Variants in GPAT4 observed in about 807,000 individuals in gnomAD.
GPAT4 encodes glycerol-3-phosphate acyltransferase 4.
GPAT4 carries 17 observed loss-of-function variants against 58.0 expected under a neutral mutation model. The ratio of observed to expected loss-of-function variants is 0.29; its 90% CI spans 0.20 to 0.44. GPAT4 has a LOEUF of 0.44. GPAT4 is among the 20% of genes least tolerant of loss of function. The pLI, the probability that GPAT4 is intolerant of heterozygous loss-of-function variation, is 1.00. For missense variants in GPAT4, 377 were observed against 574.5 expected, an observed-to-expected ratio of 0.66 and a Z score of 3.51; for synonymous variants, 204 against 210.1, an observed-to-expected ratio of 0.97 and a Z score of 0.25.
At chr8:41,610,016 C>T (rs1230448994) in intron 4 of GPAT4, 61 bp downstream of exon 4, 1 of 1,538,130 alleles carries the variant, frequency 6.5e-7, no homozygotes, top group African/African-American at 1.4e-5. Flanking sequence ...GCACAGCCCA[C>T]CTGCCTGCTC....
intron 1 of GPAT4, chr8:41,584,896 C>A (rs755730843): frequency 6.6e-6 from 1 of 152,158 alleles, no homozygotes; most frequent in Non-Finnish European, 1.5e-5. Flanking sequence ...GGCCCCGAAC[C>A]TGACCATGTT....
chr8:41,583,903 G>C (rs376371898), intron 1 of GPAT4, among the ~76,000 whole-genome samples: 4 of 152,124 alleles, frequency 2.6e-5, no homozygotes, highest in African/African-American at 7.2e-5. Flanking sequence ...TGATGAAAAG[G>C]TTTCATTTTT....
At chr8:41,581,713 C>T (rs530788570) in intron 1 of GPAT4, among the ~76,000 whole-genome samples, 10 of 149,286 alleles carry the variant, frequency 6.7e-5, no homozygotes, top group South Asian at 2.1e-4. Flanking sequence ...ACTGCAAGCT[C>T]CGCCTCCCGG....
chr8:41,601,148 G>A (rs1454217125), intron 2 of GPAT4, among the ~76,000 whole-genome samples: 1 of 151,804 alleles, frequency 6.6e-6, no homozygotes, highest in Non-Finnish European at 1.5e-5. Flanking sequence ...CTTAAGGATG[G>A]ACTTGGGGTT....
In GPAT4 at chr8:41,621,980, A is replaced by G. The variant is rs1003330690; in HGVS notation, c.*979A>G. On this transcript the variant is annotated 3_prime_UTR_variant, in exon 13 of 13. Transcript: ENST00000396987. ...CCTGAGTAGCAGGCTTCTCGTGAGG[A>G]TTCCCGTTCTCTTCTGGGAGCATGG... is the stretch of plus-strand genomic sequence containing the variant. The G allele has an allele frequency of 1.3e-5, 2 of 152,168 alleles. No individual in the cohort carries two copies. The highest frequency in any genetic ancestry group is 6.5e-5 in the Admixed American group (1 of 15,270). 9.4% of individuals were successfully genotyped at this position (152,168 alleles called of 1,614,324 possible).
At chr8:41,587,242 C>T (rs558663102) in intron 1 of GPAT4, among the ~76,000 whole-genome samples, 1 of 152,346 alleles carries the variant, frequency 6.6e-6, no homozygotes, top group South Asian at 2.1e-4. Flanking sequence ...GCCTCCCTGT[C>T]AGGCCATGTG....
At chr8:41,607,762 C>T (rs977720643) in intron 2 of GPAT4, among the ~76,000 whole-genome samples, 6 of 152,132 alleles carry the variant, frequency 3.9e-5, no homozygotes, top group Non-Finnish European at 5.9e-5. Context: ...CTCCTGGGCT[C>T]AAACGATCTT....
intron 4 of GPAT4, 197 bp from the exon 5 acceptor site, chr8:41,610,539 C>A: frequency 6.8e-7 from 1 of 1,468,678 alleles, no homozygotes; most frequent in South Asian, 1.3e-5. Context: ...AGACCCATGG[C>A]TCACTGTCAG....
At position 41,620,929 on chromosome 8, in the gene GPAT4, G is replaced by A. The variant is rs200700158; in HGVS notation, c.1299G>A (p.Thr433=). The change falls in exon 13 of 13, where the codon ACG becomes ACA. Residue 433 remains threonine, a synonymous_variant. Coordinates refer to ENST00000396987, the MANE Select transcript of GPAT4 (RefSeq NM_178819.4). ...GGLKREKVKD[T]FKEEQQKLYS... The stretch of plus-strand genomic sequence containing the variant: ...TGAAGAGGGAGAAGGTGAAGGACAC[G>A]TTCAAGGAGGAGCAGCAGAAGCTGT... The A allele has an allele frequency of 2.1e-5, 32 of 1,551,716 alleles. No individual in the cohort carries two copies. Among genetic ancestry groups the A allele is most frequent in the South Asian group, 8.3e-5 (7 of 84,060 alleles).
chr8:41,615,458 G>T (rs1405043244), intron 10 of GPAT4, among the ~76,000 whole-genome samples: 1 of 151,522 alleles, frequency 6.6e-6, no homozygotes, highest in Non-Finnish European at 1.5e-5. Flanking sequence ...GATTGGGGGG[G>T]GGGTCATTAC....
chr8:41,615,775 T>C (rs1326528445), intron 10 of GPAT4, among the ~76,000 whole-genome samples: 1 of 152,170 alleles, frequency 6.6e-6, no homozygotes, highest in East Asian at 1.9e-4. Context: ...CTCGATAAAA[T>C]GGTGAGCAGA....
chr8:41,604,673 T>G (rs2150496977), intron 2 of GPAT4, among the ~76,000 whole-genome samples: 1 of 152,246 alleles, frequency 6.6e-6, no homozygotes, highest in Non-Finnish European at 1.5e-5. Context: ...GTTGATCAGG[T>G]CACGTTAGAG....
intron 2 of GPAT4, among the ~76,000 whole-genome samples, chr8:41,605,994 A>G (rs1477657159): frequency 6.6e-6 from 1 of 152,258 alleles, no homozygotes; most frequent in African/African-American, 2.4e-5. Flanking sequence ...GGCATGAACC[A>G]CGAGGCAGCT....
intron 2 of GPAT4, among the ~76,000 whole-genome samples, chr8:41,604,998 G>T (rs1803218663): frequency 6.6e-6 from 1 of 152,196 alleles, no homozygotes; most frequent in South Asian, 2.1e-4. Flanking sequence ...ACATAGCCTT[G>T]AGTAGGTTAA....
intron 1 of GPAT4, among the ~76,000 whole-genome samples, chr8:41,585,588 C>T (rs1055782508): frequency 2.6e-5 from 4 of 152,158 alleles, no homozygotes; most frequent in African/African-American, 9.7e-5. Context: ...ACACTGATAG[C>T]TTGATAGGCA....
intron 10 of GPAT4, among the ~76,000 whole-genome samples, chr8:41,617,044 T>A (rs1199764678): frequency 6.6e-6 from 1 of 152,230 alleles, no homozygotes; most frequent in Non-Finnish European, 1.5e-5. Context: ...CATCAGAATT[T>A]CTGTCCATAT....
At position 41,621,213 on chromosome 8, in the gene GPAT4, G is replaced by A. The variant is rs1010538177; in HGVS notation, c.*212G>A. The A allele has an allele frequency of 1.6e-6, 1 of 638,534 alleles. No individual in the cohort carries two copies. The allele number at this position is 638,534 out of a possible 1,614,324, so 39.6% of individuals were successfully genotyped here. On this transcript the variant is annotated 3_prime_UTR_variant, in exon 13 of 13. Transcript: ENST00000396987. ...TGGTGGTCTAAACGGATGCTGCTGGGTGTTGCGACCCAGGACGAGATGCCT... is the reference window on the plus strand; with the variant it reads ...TGGTGGTCTAAACGGATGCTGCTGGATGTTGCGACCCAGGACGAGATGCCT...
At chr8:41,591,797 A>AT (rs1802796559) in intron 1 of GPAT4, among the ~76,000 whole-genome samples, 1 of 152,244 alleles carries the variant, frequency 6.6e-6, no homozygotes, top group South Asian at 2.1e-4. Flanking sequence ...GCCCTTGATC[A>AT]TCTATGTGTA....
chr8:41,589,152 C>G (rs1412753060), intron 1 of GPAT4, among the ~76,000 whole-genome samples: 1 of 152,198 alleles, frequency 6.6e-6, no homozygotes, highest in Non-Finnish European at 1.5e-5. Flanking sequence ...TTAAGGGGAC[C>G]TTAAGCCACC....
Sources: allele counts gnomAD v4.1 joint callset (sites outside exome capture counted in the v4.1 genomes callset), GRCh38; gene constraint gnomAD v4.1.1; transcripts MANE v1.5; gene names NCBI Gene and HGNC (gene_info 2026-07-23, HGNC 2026-07-21).